The following TYW1 variants were observed in gnomAD, a reference collection of about 807,000 sequenced individuals.
The protein encoded by TYW1 is S-adenosyl-L-methionine-dependent tRNA 4-demethylwyosine synthase TYW1.
TYW1 carries 46 observed loss-of-function variants against 96.2 expected under a neutral mutation model. That is an observed-to-expected ratio of 0.48 (90% CI 0.38 to 0.61). The LOEUF is 0.61. Ranked by LOEUF, TYW1 falls within the 20% of genes least tolerant of loss-of-function variation. The pLI is 0.00. For missense variants in TYW1, 684 were observed against 909.6 expected, an observed-to-expected ratio of 0.75 and a Z score of 3.19; for synonymous variants, 274 against 323.0, an observed-to-expected ratio of 0.85 and a Z score of 1.63.
chr7:67,237,833 C>T (rs984087723), intron 15 of TYW1, among the ~76,000 whole-genome samples: 5 of 152,090 alleles, frequency 3.3e-5, no homozygotes, highest in Non-Finnish European at 7.3e-5. Flanking sequence ...TAGTTTGAGT[C>T]ATTTAGTTAG....
At chr7:67,016,876 C>T (rs919432161) in intron 5 of TYW1, among the ~76,000 whole-genome samples, 8 of 151,926 alleles carry the variant, frequency 5.3e-5, no homozygotes, top group African/African-American at 1.2e-4. Context: ...CTTCTCACCC[C>T]GGTCTCCCAA....
chr7:67,207,333 GTTCCATC>G (rs1374677946), intron 15 of TYW1, among the ~76,000 whole-genome samples: 1 of 152,110 alleles, frequency 6.6e-6, no homozygotes, highest in Non-Finnish European at 1.5e-5. Context: ...CAGAAACTTT[GTTCCATC>G]TTCTTTGCTA....
chr7:67,019,499 G>A (rs924860522), intron 6 of TYW1, among the ~76,000 whole-genome samples: 19 of 22,532 alleles, frequency 8.4e-4, no homozygotes, highest in Admixed American at 2.7e-3. Flanking sequence ...TGCCCAGACC[G>A]TTTTGTAAAT....
intron 13 of TYW1, among the ~76,000 whole-genome samples, chr7:67,163,668 ATT>A (rs3980764): frequency 7.1e-6 from 1 of 140,932 alleles, no homozygotes; most frequent in Admixed American, 7.2e-5. Context: ...AAGCAGGAGA[ATT>A]TTTTTTTTTT....
At chr7:67,202,584 A>G (rs1231134881) in intron 15 of TYW1, among the ~76,000 whole-genome samples, 4 of 152,028 alleles carry the variant, frequency 2.6e-5, no homozygotes, top group African/African-American at 2.4e-5. Context: ...TGTTATTGAG[A>G]TGGGGTCCCA....
At chr7:67,228,608 A>G (rs1313659426) in intron 15 of TYW1, among the ~76,000 whole-genome samples, 3 of 152,226 alleles carry the variant, frequency 2.0e-5, no homozygotes, top group Non-Finnish European at 4.4e-5. Flanking sequence ...TAGTCATACA[A>G]ACCACCTCCA....
At chr7:67,187,394 T>C (rs1254271401) in intron 14 of TYW1, among the ~76,000 whole-genome samples, 1 of 152,284 alleles carries the variant, frequency 6.6e-6, no homozygotes, top group African/African-American at 2.4e-5. Flanking sequence ...TAAAATATAA[T>C]GTAATAAATA....
At chr7:67,039,848 A>G (rs1350740834) in intron 7 of TYW1, among the ~76,000 whole-genome samples, 4 of 151,902 alleles carry the variant, frequency 2.6e-5, no homozygotes, top group African/African-American at 7.3e-5. Flanking sequence ...TTTTTAGTAT[A>G]GACGGGGTTT....
chr7:67,208,852 A>G (rs562742062), intron 15 of TYW1, among the ~76,000 whole-genome samples: 1 of 152,234 alleles, frequency 6.6e-6, no homozygotes, highest in East Asian at 1.9e-4. Context: ...CACCCTATTC[A>G]TACCTGGAAT....
At chr7:67,159,276 A>G (rs1272507094) in intron 13 of TYW1, among the ~76,000 whole-genome samples, 2 of 152,198 alleles carry the variant, frequency 1.3e-5, no homozygotes, top group Admixed American at 6.5e-5. Flanking sequence ...ACCTTTGCAC[A>G]TATTTCTGAT....
At chr7:67,003,476 C>T (rs576076088) in intron 3 of TYW1, among the ~76,000 whole-genome samples, 24 of 151,336 alleles carry the variant, frequency 1.6e-4, no homozygotes, top group African/African-American at 5.8e-4. Context: ...GGGAATAGCA[C>T]GTACATTGCA....
intron 12 of TYW1, among the ~76,000 whole-genome samples, chr7:67,100,250 G>A (rs1338281973): frequency 6.6e-6 from 1 of 152,094 alleles, no homozygotes; most frequent in African/African-American, 2.4e-5. Flanking sequence ...ATGATCAAAG[G>A]CATCTCCTGG....
At chr7:67,135,826 T>C (rs2948330) in intron 13 of TYW1, among the ~76,000 whole-genome samples, 2 of 152,152 alleles carry the variant, frequency 1.3e-5, no homozygotes, top group African/African-American at 4.8e-5. Context: ...TGAGACTCTG[T>C]TGTGTTTCAT....
chr7:67,053,589 A>G, intron 8 of TYW1, among the ~76,000 whole-genome samples: 1 of 152,114 alleles, frequency 6.6e-6, no homozygotes, highest in East Asian at 1.9e-4. Context: ...CATGTTGATC[A>G]GACTGTTCTC....
chr7:67,048,891 G>A (rs150845962), intron 7 of TYW1, among the ~76,000 whole-genome samples: 1 of 152,348 alleles, frequency 6.6e-6, no homozygotes, highest in African/African-American at 2.4e-5. Context: ...TAGCATGCCT[G>A]TAGTCCCAGC....
chr7:67,055,299 T>G (rs1795473228), intron 8 of TYW1, among the ~76,000 whole-genome samples: 2 of 152,198 alleles, frequency 1.3e-5, no homozygotes, highest in African/African-American at 2.4e-5. Context: ...ATTTTTGGAT[T>G]AATTTATTGT....
intron 7 of TYW1, among the ~76,000 whole-genome samples, chr7:67,035,408 G>A (rs1375783838): frequency 1.3e-5 from 2 of 152,030 alleles, no homozygotes; most frequent in African/African-American, 2.4e-5. Flanking sequence ...GAGCCACTGC[G>A]CCTGGCCTGA....
intron 12 of TYW1, among the ~76,000 whole-genome samples, chr7:67,107,553 G>C (rs1176448821): frequency 6.6e-6 from 1 of 152,084 alleles, no homozygotes; most frequent in Non-Finnish European, 1.5e-5. Context: ...TAACTTTTCA[G>C]TGCCCGCTTT....
chr7:67,080,620 G>A (rs1240359307), intron 10 of TYW1, among the ~76,000 whole-genome samples: 1 of 151,972 alleles, frequency 6.6e-6, no homozygotes, highest in Non-Finnish European at 1.5e-5. Flanking sequence ...GGCTGGTCTC[G>A]AACTCCTGAC....
Sources: allele counts gnomAD v4.1 joint callset (sites outside exome capture counted in the v4.1 genomes callset), GRCh38; gene constraint gnomAD v4.1.1; transcripts MANE v1.5; gene names NCBI Gene and HGNC (gene_info 2026-07-23, HGNC 2026-07-21).